ACVR1B: variants seen among roughly 807,000 people sequenced by gnomAD.
The protein encoded by ACVR1B is activin A receptor type 1B, also known as activin receptor type-1B.
Under a neutral mutation model 55.6 loss-of-function variants are expected in ACVR1B, and 15 were observed. That is an observed-to-expected ratio of 0.27 (90% CI 0.18 to 0.42). ACVR1B has a LOEUF of 0.42. Among genes scored for constraint, ACVR1B ranks in the 10% least tolerant of loss-of-function variants. ACVR1B has a pLI of 1.00. For synonymous variants in ACVR1B, 247 were observed against 254.6 expected (o/e 0.97, Z 0.28); for missense variants, 359 against 670.1 (o/e 0.54, Z 5.13).
At chr12:51,975,083 C>T (rs772108585) in intron 1 of ACVR1B, among the ~76,000 whole-genome samples, 182 bp from the exon 2 acceptor site, 33 of 152,292 alleles carry the variant, frequency 2.2e-4, no homozygotes, top group Non-Finnish European at 4.0e-4. Context: ...CTTCAAAAGC[C>T]TTGTTTGTGA....
chr12:51,988,481 CAAACT>C, intron 7 of ACVR1B, among the ~76,000 whole-genome samples: 1 of 152,064 alleles, frequency 6.6e-6, no homozygotes. Flanking sequence ...AAAAAACAAA[CAAACT>C]AAGAAAAATC....
In ACVR1B at chr12:51,967,369, G is replaced by C. The variant is rs553891183; in HGVS notation, c.92-7896G>C. Among the ~76,000 whole-genome samples the C allele has an allele frequency of 1.2e-4, 18 of 152,244 alleles. No individual in the cohort carries two copies. In the South Asian group the frequency reaches 3.3e-3, roughly 28 times the overall value. ...AGGTCAGGAGTTCGAGACCAGCCTGGCCAACGTGGTGAAACCCCGTCTCTA... is the reference window on the plus strand; with the variant it reads ...AGGTCAGGAGTTCGAGACCAGCCTGCCCAACGTGGTGAAACCCCGTCTCTA... On this transcript the variant is annotated intron_variant, in intron 1 of 8. Transcript: ENST00000257963.
At chr12:51,986,684 A>G (rs1942082151) in intron 6 of ACVR1B, 134 bp from the exon 7 acceptor site, 3 of 1,228,588 alleles carry the variant, frequency 2.4e-6, no homozygotes, top group Admixed American at 4.6e-5. Flanking sequence ...AGAGATGTGT[A>G]CACTTCTTCT....
intron 1 of ACVR1B, among the ~76,000 whole-genome samples, chr12:51,964,496 T>C (rs1365821457): frequency 6.6e-6 from 1 of 152,234 alleles, no homozygotes; most frequent in Non-Finnish European, 1.5e-5. Context: ...CATTTTACTT[T>C]TGTTGCTTGT....
intron 1 of ACVR1B, among the ~76,000 whole-genome samples, chr12:51,973,569 C>T (rs552473658): frequency 1.6e-4 from 25 of 152,252 alleles, no homozygotes; most frequent in Non-Finnish European, 2.4e-4. Flanking sequence ...GAAAATGAAG[C>T]GATTCCTTAG....
intron 2 of ACVR1B, 38 bp from the exon 3 acceptor site, chr12:51,976,289 C>A: frequency 6.2e-7 from 1 of 1,611,186 alleles, no homozygotes; most frequent in South Asian, 1.1e-5. Context: ...CTTGTTTTTA[C>A]TTCTCATTCT....
intron 1 of ACVR1B, among the ~76,000 whole-genome samples, chr12:51,956,786 G>A (rs557393193): frequency 1.5e-4 from 22 of 150,882 alleles, no homozygotes; most frequent in Middle Eastern, 3.4e-3. Flanking sequence ...TTTGAGACAG[G>A]GTCTTGCTCT....
intron 1 of ACVR1B, among the ~76,000 whole-genome samples, chr12:51,964,332 G>C (rs923782667): frequency 1.7e-4 from 26 of 152,120 alleles, no homozygotes; most frequent in Non-Finnish European, 3.2e-4. Context: ...TTGGGTTGTT[G>C]TTGAGTTTGA....
chr12:51,961,420 A>G (rs1941524579), intron 1 of ACVR1B, among the ~76,000 whole-genome samples: 1 of 152,238 alleles, frequency 6.6e-6, no homozygotes, highest in South Asian at 2.1e-4. Flanking sequence ...TACTCAAAAA[A>G]TGCCGCAAAC....
intron 2 of ACVR1B, 62 bp downstream of exon 2, chr12:51,975,566 A>AT (rs1941832723): frequency 3.2e-6 from 5 of 1,565,924 alleles, no homozygotes; most frequent in East Asian, 4.6e-5. Context: ...CCGTCATTTC[A>AT]TTTTTTTCTA....
chr12:51,967,833 G>T (rs1484693907), intron 1 of ACVR1B, among the ~76,000 whole-genome samples: 3 of 152,234 alleles, frequency 2.0e-5, no homozygotes, highest in Non-Finnish European at 4.4e-5. Flanking sequence ...ATGGAACCAG[G>T]ATTTAAGCTT....
rs146654724 is a variant in ACVR1B, at chr12:51,955,714, G to A, written c.91+3880G>A. On this transcript the variant is annotated intron_variant, in intron 1 of 8. Coordinates refer to ENST00000257963, the MANE Select transcript of ACVR1B (RefSeq NM_004302.5). ...GTGTTAGCTGTTGTTGTAGGAGTTGGTGTAAGAGGGTCTTAATCTCATTTT... is the reference window on the plus strand; with the variant it reads ...GTGTTAGCTGTTGTTGTAGGAGTTGATGTAAGAGGGTCTTAATCTCATTTT... Among the ~76,000 whole-genome samples, 318 of 152,272 alleles carry A rather than the reference G, an allele frequency of 2.1e-3. 4 individuals carry two copies. The highest frequency in any genetic ancestry group is 7.3e-3 in the African/African-American group (302 of 41,542).
At chr12:51,953,068 G>A (rs570736657) in intron 1 of ACVR1B, among the ~76,000 whole-genome samples, 4 of 152,214 alleles carry the variant, frequency 2.6e-5, no homozygotes, top group African/African-American at 9.6e-5. Context: ...ATATTGAAGC[G>A]ATTATTGACC....
intron 8 of ACVR1B, among the ~76,000 whole-genome samples, chr12:51,992,594 C>G (rs1287498713): frequency 1.3e-5 from 2 of 152,214 alleles, no homozygotes; most frequent in Non-Finnish European, 2.9e-5. Flanking sequence ...AGACACCAAA[C>G]TAGGAAAGCA....
At position 51,984,089 on chromosome 12, in the gene ACVR1B, T is replaced by C; in HGVS notation, c.902T>C (p.Ile301Thr). Residue 301 changes from isoleucine to threonine, a missense_variant, in exon 5 of 9, where the codon ATT (isoleucine) becomes ACT (threonine). By Grantham distance (89) the Ile-to-Thr change is moderately conservative. This residue lies in a region of ACVR1B where 119 missense variants were observed against 340.2 expected (regional missense o/e 0.35). Coordinates refer to ENST00000257963, the MANE Select transcript of ACVR1B (RefSeq NM_004302.5). ...FDYLNRYTVT[I>T]EGMIKLALSA... The stretch of plus-strand genomic sequence containing the variant: ...TATCTGAACCGGTACACAGTGACAA[T>C]TGAGGGGATGATTAAGCTGGCCTTG... 1.2e-6 allele frequency: 2 copies of C among 1,614,058 alleles called. No homozygotes were observed. The highest frequency in any genetic ancestry group is 1.3e-5 in the African/African-American group (1 of 75,014).
At position 51,985,136 on chromosome 12, in the gene ACVR1B, TG is replaced by T. The variant is rs1942052669; in HGVS notation, c.980-55del. 1.9e-6 allele frequency: 3 copies of T among 1,540,032 alleles called. No individual in the cohort carries two copies. In the African/African-American group the frequency reaches 4.1e-5, roughly 21 times the overall value. ...CTATACAGTCTGGCTGCATAGTCTA[TG>T]CTTTTAACATTTATATCATCTCTTT... On this transcript the variant is annotated intron_variant, in intron 5 of 8. Coordinates refer to ENST00000257963, the MANE Select transcript of ACVR1B (RefSeq NM_004302.5).
Position 51,986,923 on chromosome 12 carries a change from T to C in ACVR1B, c.1242T>C (p.Ala414=). 6.2e-7 allele frequency: 1 copy of C among 1,614,260 alleles called. No homozygotes were observed. The highest frequency in any genetic ancestry group is 8.5e-7 in the Non-Finnish European group (1 of 1,180,050). ...TCGGGCTTGTATATTGGGAGATTGC[T>C]CGAAGATGCAATTCTGGAGGTACCT... ...YALGLVYWEI[A]RRCNSGGVHE... The change falls in exon 7 of 9, where the codon GCT becomes GCC. Residue 414 remains alanine (A), a synonymous_variant. Transcript: ENST00000257963.
chr12:51,984,546 T>C (rs778457879), intron 5 of ACVR1B, among the ~76,000 whole-genome samples: 3 of 152,196 alleles, frequency 2.0e-5, no homozygotes. Context: ...TCCATGTTCA[T>C]TGATGGGGAC....
At chr12:51,978,369 G>A (rs1223261193) in intron 3 of ACVR1B, among the ~76,000 whole-genome samples, 2 of 152,128 alleles carry the variant, frequency 1.3e-5, no homozygotes, top group Non-Finnish European at 2.9e-5. Flanking sequence ...CCCTCTGAGT[G>A]GTTTAGTATA....
Sources: gnomAD v4.1 joint callset for allele counts (sites outside exome capture counted in the v4.1 genomes callset) on GRCh38, gnomAD v4.1.1 for gene constraint, gnomAD v4.1.1 regional missense constraint, MANE v1.5 for transcripts, NCBI Gene and HGNC (gene_info 2026-07-23, HGNC 2026-07-21) for gene names.